NARF: variants seen among roughly 807,000 people sequenced by gnomAD.
NARF encodes nuclear prelamin A recognition factor.
NARF carries 41 observed loss-of-function variants against 48.0 expected under a neutral mutation model. The observed-to-expected ratio is 0.85, with a 90% CI of 0.66 to 1.11. NARF has a LOEUF of 1.11. Among genes scored for constraint, NARF ranks in the 50% least tolerant of loss-of-function variants. The probability of loss-of-function intolerance (pLI) is 0.00; values close to 1 mark genes in which losing one functional copy is unlikely to be tolerated. For missense variants in NARF, 613 were observed against 590.2 expected (o/e 1.04, Z -0.40); for synonymous variants, 215 against 225.5 (o/e 0.95, Z 0.42).
intron 2 of NARF, 149 bp from the exon 3 acceptor site, chr17:82,464,138 C>A: frequency 9.8e-7 from 1 of 1,016,378 alleles, no homozygotes. Context: ...CAGAGACTGT[C>A]CTGCTTCCAG....
chr17:82,469,576 A>G (rs1441430791), intron 4 of NARF, among the ~76,000 whole-genome samples: 5 of 152,006 alleles, frequency 3.3e-5, no homozygotes, highest in African/African-American at 9.7e-5. Flanking sequence ...GAGTTGCCAA[A>G]TAAGAGGTTT....
chr17:82,484,843 GC>G lies in NARF; in HGVS notation c.865del (p.Arg289ValfsTer35). On this transcript the variant is annotated frameshift_variant, in exon 9 of 11. Transcript: ENST00000309794. LOFTEE classifies it high-confidence loss of function. Reference protein sequence around the residue: ...FGDLKEDKVTRHDGASSDGHL... With the variant: ...FGDLKEDKVTXHDGASSDGHL... The stretch of plus-strand genomic sequence containing the variant: ...GAGACTTGAAGGAGGACAAAGTGAC[GC>G]GTCATGATGGAGCCAGCTCAGACGG... 2 of 1,609,146 alleles carry G rather than the reference GC, an allele frequency of 1.2e-6. No homozygotes were observed. The highest frequency in any genetic ancestry group is 1.7e-6 in the Non-Finnish European group (2 of 1,177,552).
intron 6 of NARF, chr17:82,480,431 T>G: frequency 2.5e-6 from 1 of 402,194 alleles, no homozygotes; most frequent in Non-Finnish European, 4.4e-6. Context: ...GGGCTCAGCC[T>G]TCCCGGTTCT....
chr17:82,474,125 G>A (rs2043779042), intron 5 of NARF, among the ~76,000 whole-genome samples: 1 of 152,162 alleles, frequency 6.6e-6, no homozygotes, highest in Non-Finnish European at 1.5e-5. Flanking sequence ...AGGCTGCAGT[G>A]AGCTATGACT....
At position 82,487,994 on chromosome 17, in the gene NARF, T is replaced by G; in HGVS notation, c.1208T>G (p.Ile403Ser). 6.2e-7 allele frequency: 1 copy of G among 1,614,170 alleles called. No individual in the cohort carries two copies. The highest frequency in any genetic ancestry group is 8.5e-7 in the Non-Finnish European group (1 of 1,180,040). ...DKALLRQMEG[I>S]YADIPVRRPE... ...GCCCTGCTGCGGCAGATGGAAGGCA[T>G]TTACGCTGACATCCCTGTGCGGCGT... The change falls in exon 11 of 11, where the codon ATT becomes AGT. Residue 403 changes from isoleucine (I) to serine (S), a missense_variant. Ile to Ser is a moderately radical substitution (Grantham distance 142, BLOSUM62 -2). Coordinates refer to ENST00000309794, the MANE Select transcript of NARF (RefSeq NM_012336.4).
intron 8 of NARF, 112 bp from the exon 9 acceptor site, chr17:82,484,701 G>T: frequency 7.4e-7 from 1 of 1,348,288 alleles, no homozygotes. Flanking sequence ...ACAGGATTTA[G>T]CTTCTTTGGT....
intron 3 of NARF, among the ~76,000 whole-genome samples, chr17:82,465,437 A>C (rs534100041): frequency 6.0e-4 from 92 of 152,316 alleles, no homozygotes; most frequent in African/African-American, 2.2e-3. Context: ...CACAGTAGGT[A>C]GTGTGCTAGA....
chr17:82,463,345 A>G (rs928115735), intron 2 of NARF: 5 of 152,162 alleles, frequency 3.3e-5, no homozygotes, highest in African/African-American at 9.7e-5. Context: ...ACAGTGTTCA[A>G]GCTCTCATGA....
chr17:82,469,762 C>T (rs1247721588), intron 4 of NARF, among the ~76,000 whole-genome samples: 2 of 152,052 alleles, frequency 1.3e-5, no homozygotes, highest in African/African-American at 4.8e-5. Context: ...CGCGCCACCA[C>T]TCCCGGCTAA....
intron 2 of NARF, chr17:82,460,842 A>T (rs1273809284): frequency 6.6e-6 from 1 of 152,224 alleles, no homozygotes; most frequent in Non-Finnish European, 1.5e-5. Context: ...CTGTCTTCTC[A>T]GAACACACTA....
chr17:82,486,813 A>G (rs2044105577), intron 10 of NARF, among the ~76,000 whole-genome samples: 1 of 152,198 alleles, frequency 6.6e-6, no homozygotes, highest in Non-Finnish European at 1.5e-5. Context: ...AACCAGGGAA[A>G]TTTGCTCCAG....
Position 82,486,431 on chromosome 17 carries a change from G to A in NARF, c.1129+777G>A, listed in dbSNP as rs543910052. Among the ~76,000 whole-genome samples, 704 of 152,328 alleles carry A rather than the reference G, an allele frequency of 4.6e-3. 6 individuals are homozygous for A. Among genetic ancestry groups the A allele is most frequent in the African/African-American group, 0.014 (596 of 41,574 alleles). The stretch of plus-strand genomic sequence containing the variant: ...ACTGATGTTAGACAAGTGGGACAAG[G>A]TGTGAAGCCACAGGATGGGAGGGGC... On this transcript the variant is annotated intron_variant, in intron 10 of 10. Transcript: ENST00000309794.
At chr17:82,487,185 G>A (rs1263465842) in intron 10 of NARF, among the ~76,000 whole-genome samples, 1 of 152,200 alleles carries the variant, frequency 6.6e-6, no homozygotes, top group Admixed American at 6.5e-5. Context: ...AAATGGGTAA[G>A]AATGAGAGGC....
chr17:82,485,277 C>T (rs28534643), intron 9 of NARF, among the ~76,000 whole-genome samples: 17,712 of 151,854 alleles, frequency 0.12, 1,718 homozygotes, highest in African/African-American at 0.27. Context: ...AAAAATTTGC[C>T]GAGTGTGGTG....
chr17:82,479,124 C>A lies in NARF; in HGVS notation c.639+206C>A, dbSNP rs1599845549. 20 of 476,112 alleles carry A rather than the reference C, an allele frequency of 4.2e-5. No individual in the cohort carries two copies. In the East Asian group the frequency reaches 7.8e-4, roughly 19 times the overall value. The allele number at this position is 476,112 out of a possible 1,614,324, so 29.5% of individuals were successfully genotyped here. A position where few individuals can be genotyped will look rare whatever the true frequency, so the allele number is the denominator to read the frequency against. ...CCTCCCTTCCTCTTACAACCTTTTT[C>A]TTTCTTCTTAACCTTTTCTGTGGCA... On this transcript the variant is annotated intron_variant, in intron 6 of 10. Transcript: ENST00000309794.
chr17:82,484,753 C>T, intron 8 of NARF, 60 bp from the exon 9 acceptor site: 1 of 1,506,610 alleles, frequency 6.6e-7, no homozygotes, highest in African/African-American at 1.4e-5. Context: ...TCTGGTTTCA[C>T]TCTTTCTGTC....
At chr17:82,477,373 G>A (rs761012283) in intron 5 of NARF, among the ~76,000 whole-genome samples, 8 of 151,670 alleles carry the variant, frequency 5.3e-5, no homozygotes, top group Admixed American at 2.0e-4. Context: ...ACACGGTGGC[G>A]CACACTTGTA....
At chr17:82,466,501 G>A (rs569237850) in intron 3 of NARF, among the ~76,000 whole-genome samples, 1 of 152,078 alleles carries the variant, frequency 6.6e-6, no homozygotes, top group Non-Finnish European at 1.5e-5. Flanking sequence ...CTCTCAGGCT[G>A]GGGTGCAGTG....
At chr17:82,487,121 G>C (rs2044112656) in intron 10 of NARF, among the ~76,000 whole-genome samples, 1 of 152,204 alleles carries the variant, frequency 6.6e-6, no homozygotes, top group Non-Finnish European at 1.5e-5. Flanking sequence ...AAGCCACCCA[G>C]TTCTAAAAGG....
Sources: allele counts gnomAD v4.1 joint callset (sites outside exome capture counted in the v4.1 genomes callset), GRCh38; gene constraint gnomAD v4.1.1; transcripts MANE v1.5; gene names NCBI Gene and HGNC (gene_info 2026-07-23, HGNC 2026-07-21).